The following RGL1 variants were observed in gnomAD, a reference collection of about 807,000 sequenced individuals.
The protein encoded by RGL1 is ral guanine nucleotide dissociation stimulator-like 1.
RGL1 carries 24 observed loss-of-function variants against 95.2 expected under a neutral mutation model. The ratio of observed to expected loss-of-function variants is 0.25; its 90% CI spans 0.18 to 0.35. RGL1 has a LOEUF of 0.35. Ranked by LOEUF, RGL1 falls within the 10% of genes least tolerant of loss-of-function variation. The pLI, the probability that RGL1 is intolerant of heterozygous loss-of-function variation, is 1.00. For missense variants in RGL1, 715 were observed against 936.3 expected (o/e 0.76, Z 3.08); for synonymous variants, 329 against 344.9 (o/e 0.95, Z 0.51).
chr1:183,917,369 G>A (rs1669041179), intron 16 of RGL1, among the ~76,000 whole-genome samples: 2 of 152,190 alleles, frequency 1.3e-5, no homozygotes, highest in South Asian at 4.1e-4. Flanking sequence ...ATAACCTTGG[G>A]TATGTGAGGT....
chr1:183,873,530 T>C lies in RGL1; in HGVS notation c.426-7086T>C, dbSNP rs115894522. Among the ~76,000 whole-genome samples the C allele has an allele frequency of 1.2e-3, 185 of 152,280 alleles. 1 individual carries two copies. Among genetic ancestry groups the C allele is most frequent in the Admixed American group, 3.3e-3 (51 of 15,288 alleles). ...CTCCCGTCCAACTGACTCCAAGACC[T>C]GGGTGGGAAGCCCAGGCATGCCATT... On this transcript the variant is annotated intron_variant, in intron 4 of 17. Transcript: ENST00000360851.
chr1:183,791,142 CA>C (rs1660426065), intron 2 of RGL1, among the ~76,000 whole-genome samples: 1 of 152,074 alleles, frequency 6.6e-6, no homozygotes, highest in South Asian at 2.1e-4. Flanking sequence ...GTGTCCTAGA[CA>C]AAACAGGATC....
At chr1:183,712,543 A>G (rs1655350180) in intron 1 of RGL1, among the ~76,000 whole-genome samples, 1 of 152,200 alleles carries the variant, frequency 6.6e-6, no homozygotes, top group Non-Finnish European at 1.5e-5. Context: ...ATTCATGTGA[A>G]CAATTTCTAT....
At chr1:183,820,894 A>T (rs1014955981) in intron 2 of RGL1, among the ~76,000 whole-genome samples, 1 of 152,004 alleles carries the variant, frequency 6.6e-6, no homozygotes, top group Non-Finnish European at 1.5e-5. Context: ...TACATACACC[A>T]GGCTGAGGCT....
At chr1:183,868,429 C>T (rs1011483672) in intron 4 of RGL1, among the ~76,000 whole-genome samples, 5 of 152,164 alleles carry the variant, frequency 3.3e-5, no homozygotes, top group Non-Finnish European at 5.9e-5. Flanking sequence ...AGAGCCTTCT[C>T]GCTCAAAGTG....
chr1:183,716,202 C>T (rs1280266226), intron 1 of RGL1, among the ~76,000 whole-genome samples: 1 of 152,158 alleles, frequency 6.6e-6, no homozygotes, highest in African/African-American at 2.4e-5. Flanking sequence ...TATGTTTTTA[C>T]ACTTCAAGAG....
At chr1:183,915,008 A>C (rs988342510) in intron 15 of RGL1, among the ~76,000 whole-genome samples, 8 of 152,244 alleles carry the variant, frequency 5.3e-5, no homozygotes, top group African/African-American at 1.9e-4. Context: ...AAAAAAACCC[A>C]AAAACCAAAA....
rs569154624 is a variant in RGL1, at chr1:183,878,116, T to A, written c.426-2500T>A. On this transcript the variant is annotated intron_variant, in intron 4 of 17. Coordinates refer to ENST00000360851, the MANE Select transcript of RGL1 (RefSeq NM_001297671.3). ...AGGTAATGATGAAGTATCTGTAATATACTGCTCAGTAAAAAAGCCCATGTT... is the reference window on the plus strand; with the variant it reads ...AGGTAATGATGAAGTATCTGTAATAAACTGCTCAGTAAAAAAGCCCATGTT... Among the ~76,000 whole-genome samples, 3 of 152,294 alleles carry A rather than the reference T, an allele frequency of 2.0e-5. No individual in the cohort carries two copies. In the South Asian group the frequency reaches 6.2e-4, roughly 32 times the overall value.
intron 3 of RGL1, among the ~76,000 whole-genome samples, chr1:183,863,302 TTTC>T (rs759260181): frequency 8.9e-4 from 135 of 152,176 alleles, no homozygotes; most frequent in African/African-American, 3.0e-3. Flanking sequence ...CTTTTTCTTT[TTTC>T]TTCTTCTTCT....
chr1:183,924,160 A>G (rs983609388), intron 17 of RGL1, among the ~76,000 whole-genome samples: 6 of 138,814 alleles, frequency 4.3e-5, no homozygotes, highest in African/African-American at 1.3e-4. Flanking sequence ...ATAAAGACAC[A>G]TGCACACATA....
At chr1:183,720,112 A>G (rs1180118871) in intron 1 of RGL1, among the ~76,000 whole-genome samples, 1 of 152,210 alleles carries the variant, frequency 6.6e-6, no homozygotes, top group Non-Finnish European at 1.5e-5. Context: ...AGTCTGCCAA[A>G]AGCAAAAGTA....
upstream of RGL1, among the ~76,000 whole-genome samples, chr1:183,804,374 C>A (rs1661153568): frequency 6.6e-6 from 1 of 152,132 alleles, no homozygotes; most frequent in Non-Finnish European, 1.5e-5. Context: ...ATGTAATAAT[C>A]TTTTATCCCT....
chr1:183,819,951 AT>A (rs949865009), intron 2 of RGL1, among the ~76,000 whole-genome samples: 11 of 151,926 alleles, frequency 7.2e-5, no homozygotes, highest in African/African-American at 2.7e-4. Context: ...TGCCTGGCTA[AT>A]TTTTAAATTT....
chr1:183,820,447 G>A (rs61809185), intron 2 of RGL1, among the ~76,000 whole-genome samples: 2,536 of 152,184 alleles, frequency 0.017, 46 homozygotes, highest in Middle Eastern at 0.037. Flanking sequence ...CTCCCATCCT[G>A]TATCAGGGGT....
At chr1:183,753,755 G>T (rs1316410226) in intron 2 of RGL1, among the ~76,000 whole-genome samples, 1 of 152,104 alleles carries the variant, frequency 6.6e-6, no homozygotes, top group Non-Finnish European at 1.5e-5. Flanking sequence ...TGAATTTTTG[G>T]CATATATAGC....
At chr1:183,806,309 A>C (rs1661331732) in intron 1 of RGL1, 66 bp from the exon 2 acceptor site, 1 of 1,235,528 alleles carries the variant, frequency 8.1e-7, no homozygotes, top group Admixed American at 1.7e-5. Context: ...GGCAGCTGGG[A>C]TAGATTGTGG....
At chr1:183,729,790 G>T (rs951466267) in intron 1 of RGL1, among the ~76,000 whole-genome samples, 1 of 151,946 alleles carries the variant, frequency 6.6e-6, no homozygotes, top group African/African-American at 2.4e-5. Flanking sequence ...GTACTGAAAA[G>T]GACAAACTAT....
At chr1:183,760,401 G>C (rs576606979) in intron 2 of RGL1, among the ~76,000 whole-genome samples, 1 of 152,124 alleles carries the variant, frequency 6.6e-6, no homozygotes, top group South Asian at 2.1e-4. Context: ...ATGCAATGTT[G>C]TTTGATAGCA....
chr1:183,921,322 T>A (rs185720293), intron 16 of RGL1, among the ~76,000 whole-genome samples: 6 of 152,320 alleles, frequency 3.9e-5, no homozygotes, highest in Admixed American at 3.9e-4. Flanking sequence ...ACTATATATA[T>A]CTATGAAACT....
Sources: allele counts gnomAD v4.1 joint callset (sites outside exome capture counted in the v4.1 genomes callset), GRCh38; gene constraint gnomAD v4.1.1; transcripts MANE v1.5; gene names NCBI Gene and HGNC (gene_info 2026-07-23, HGNC 2026-07-21).